GALNT17: variants seen among roughly 807,000 people sequenced by gnomAD.
The protein encoded by GALNT17 is polypeptide N-acetylgalactosaminyltransferase 17.
In GALNT17, 29 loss-of-function variants were observed where a neutral mutation model predicts 63.7. The observed-to-expected ratio is 0.46, with a 90% CI of 0.34 to 0.62. The LOEUF is 0.62. Ranked by LOEUF, GALNT17 falls within the 20% of genes least tolerant of loss-of-function variation. The pLI is 0.01. For missense variants in GALNT17, 603 were observed against 799.6 expected, an observed-to-expected ratio of 0.75 and a Z score of 2.97; for synonymous variants, 305 against 318.3, an observed-to-expected ratio of 0.96 and a Z score of 0.45.
In GALNT17 at chr7:71,610,927, A is replaced by G. The variant is rs1478624428; in HGVS notation, c.1080+39525A>G. On this transcript the variant is annotated intron_variant, in intron 6 of 10. Transcript: ENST00000333538. ...CTTGAATTTGGAAGGCGGAGGTTGC[A>G]GTGAGCCGAGATCACGCCACTGCAC... Among the ~76,000 whole-genome samples the G allele has an allele frequency of 1.3e-4, 19 of 149,176 alleles. No homozygotes were observed. In the Admixed American group the frequency reaches 1.3e-3, roughly 10 times the overall value.
intron 1 of GALNT17, among the ~76,000 whole-genome samples, chr7:71,315,628 G>A (rs928742837): frequency 6.6e-6 from 1 of 152,132 alleles, no homozygotes; most frequent in African/African-American, 2.4e-5. Context: ...GACTCTGAGA[G>A]TTTAACATAT....
At chr7:71,366,485 A>G (rs370128640) in intron 2 of GALNT17, among the ~76,000 whole-genome samples, 6 of 152,020 alleles carry the variant, frequency 3.9e-5, no homozygotes, top group Non-Finnish European at 5.9e-5. Flanking sequence ...GGAGGCTGAA[A>G]CAGGAGAATT....
intron 1 of GALNT17, among the ~76,000 whole-genome samples, chr7:71,137,234 G>A (rs557887762): frequency 6.2e-4 from 93 of 149,572 alleles, no homozygotes; most frequent in African/African-American, 2.2e-3. Context: ...CCGCCTCCCG[G>A]GTTCACGCCA....
chr7:71,173,822 C>A (rs1281344190), intron 1 of GALNT17, among the ~76,000 whole-genome samples: 1 of 152,080 alleles, frequency 6.6e-6, no homozygotes, highest in African/African-American at 2.4e-5. Context: ...CACTCAAGCT[C>A]AGGGTATTTT....
At chr7:71,643,172 CA>C (rs113355182) in intron 6 of GALNT17, among the ~76,000 whole-genome samples, 13,734 of 152,032 alleles carry the variant, frequency 0.09, 889 homozygotes, top group African/African-American at 0.19. Context: ...TCAGAACTAT[CA>C]AAACCCAGCC....
intron 6 of GALNT17, among the ~76,000 whole-genome samples, chr7:71,596,396 C>T (rs1003636441): frequency 5.3e-5 from 8 of 151,924 alleles, no homozygotes; most frequent in Admixed American, 3.9e-4. Context: ...TGGGAAAGAT[C>T]CATTTGAGAG....
chr7:71,677,584 G>A (rs889251369), intron 9 of GALNT17, among the ~76,000 whole-genome samples: 2 of 150,410 alleles, frequency 1.3e-5, no homozygotes, highest in Non-Finnish European at 1.5e-5. Context: ...GTATGATCTC[G>A]GCTCACTGCA....
At chr7:71,698,373 A>G (rs1791577031) in intron 9 of GALNT17, among the ~76,000 whole-genome samples, 1 of 152,192 alleles carries the variant, frequency 6.6e-6, no homozygotes, top group Non-Finnish European at 1.5e-5. Flanking sequence ...AAATCTATGC[A>G]AACATTTATT....
rs116030390 is a variant in GALNT17 at position 71,522,029 on chromosome 7, G to A, written c.963-49256G>A. ...CAGTGAGATTAAGGGATTTGCCAAG[G>A]TCATTGAGCTAATTAGCGATGAGAC... is the stretch of plus-strand genomic sequence containing the variant. On this transcript the variant is annotated intron_variant, in intron 5 of 10. Transcript: ENST00000333538. 7.3e-3 allele frequency among the ~76,000 whole-genome samples: 1,104 copies of A among 152,202 alleles called. 11 individuals are homozygous for A. The highest frequency in any genetic ancestry group is 0.025 in the African/African-American group (1,053 of 41,520).
intron 3 of GALNT17, among the ~76,000 whole-genome samples, chr7:71,398,102 A>G (rs867903932): frequency 3.3e-4 from 50 of 152,192 alleles, no homozygotes; most frequent in African/African-American, 1.0e-3. Flanking sequence ...GAGCCTTGAT[A>G]TGGGTCAGTT....
intron 2 of GALNT17, among the ~76,000 whole-genome samples, chr7:71,352,840 C>T (rs551482231): frequency 2.0e-5 from 3 of 152,100 alleles, no homozygotes; most frequent in East Asian, 1.9e-4. Flanking sequence ...AAAGAAGTGA[C>T]GTGGAAGCCA....
At chr7:71,644,610 G>T (rs1790650291) in intron 6 of GALNT17, among the ~76,000 whole-genome samples, 1 of 151,340 alleles carries the variant, frequency 6.6e-6, no homozygotes, top group Non-Finnish European at 1.5e-5. Flanking sequence ...AATCAGCCAG[G>T]CATGGTGGTG....
chr7:71,386,278 A>G (rs906437027), intron 2 of GALNT17, among the ~76,000 whole-genome samples: 1 of 152,190 alleles, frequency 6.6e-6, no homozygotes, highest in African/African-American at 2.4e-5. Flanking sequence ...ACATAGCCCA[A>G]GCTGCTCAGC....
intron 5 of GALNT17, among the ~76,000 whole-genome samples, chr7:71,444,557 C>G (rs566413604): frequency 1.3e-5 from 2 of 152,308 alleles, no homozygotes; most frequent in African/African-American, 4.8e-5. Flanking sequence ...AACTGAGGGC[C>G]GGGTGCAGTG....
At chr7:71,640,207 A>G (rs540582480) in intron 6 of GALNT17, among the ~76,000 whole-genome samples, 3 of 152,202 alleles carry the variant, frequency 2.0e-5, no homozygotes, top group Non-Finnish European at 4.4e-5. Flanking sequence ...CAAGATATCC[A>G]CGCAGACTTC....
At chr7:71,470,474 G>A (rs1787609642) in intron 5 of GALNT17, among the ~76,000 whole-genome samples, 1 of 152,014 alleles carries the variant, frequency 6.6e-6, no homozygotes, top group South Asian at 2.1e-4. Flanking sequence ...TGTAAAGGAT[G>A]TTTAGGTCTT....
At chr7:71,575,513 C>G (rs929873902) in intron 6 of GALNT17, among the ~76,000 whole-genome samples, 3 of 151,886 alleles carry the variant, frequency 2.0e-5, no homozygotes, top group Non-Finnish European at 4.4e-5. Flanking sequence ...CTCAGCCTCC[C>G]GAGTAGCTGG....
chr7:71,690,520 T>G (rs1266004546), intron 9 of GALNT17, among the ~76,000 whole-genome samples: 1 of 152,280 alleles, frequency 6.6e-6, no homozygotes, highest in African/African-American at 2.4e-5. Context: ...GGAGTAATTT[T>G]GACCTTCAAG....
chr7:71,702,049 A>C (rs935980311), intron 9 of GALNT17, among the ~76,000 whole-genome samples: 1 of 151,588 alleles, frequency 6.6e-6, no homozygotes, highest in African/African-American at 2.4e-5. Flanking sequence ...CAGAAAACCT[A>C]ATACCACATG....
Sources: allele counts gnomAD v4.1 joint callset (sites outside exome capture counted in the v4.1 genomes callset), GRCh38; gene constraint gnomAD v4.1.1; transcripts MANE v1.5; gene names NCBI Gene and HGNC (gene_info 2026-07-23, HGNC 2026-07-21).